Variants in PLCD1 observed in about 807,000 individuals in gnomAD.
PLCD1 encodes 1-phosphatidylinositol 4,5-bisphosphate phosphodiesterase delta-1.
Under a neutral mutation model 87.4 loss-of-function variants are expected in PLCD1, and 71 were observed. That is an observed-to-expected ratio of 0.81 (90% CI 0.67 to 0.99). The LOEUF (loss-of-function observed/expected upper bound fraction) is 0.99, where lower values mean the gene tolerates loss of function less well. Among genes scored for constraint, PLCD1 ranks in the 50% least tolerant of loss-of-function variants. PLCD1 has a pLI of 0.00. For missense variants in PLCD1, 867 were observed against 1,001.5 expected (o/e 0.87, Z 1.81); for synonymous variants, 348 against 399.2 (o/e 0.87, Z 1.53).
At chr3:38,024,220 A>G (rs982518122) in intron 1 of PLCD1, 3 of 862,332 alleles carry the variant, frequency 3.5e-6, no homozygotes, top group Non-Finnish European at 5.5e-6. Flanking sequence ...AGTACTAAAC[A>G]TGTCCAATTA....
In PLCD1 at chr3:38,007,729, A is replaced by G. The variant is rs1161401177; in HGVS notation, c.*44T>C. 2.1e-6 allele frequency: 3 copies of G among 1,424,826 alleles called. No individual in the cohort carries two copies. Among genetic ancestry groups the G allele is most frequent in the African/African-American group, 2.8e-5 (2 of 71,180 alleles). The allele number at this position is 1,424,826 out of a possible 1,614,324, so 88.3% of individuals were successfully genotyped here. A position where few individuals can be genotyped will look rare whatever the true frequency, so the allele number is the denominator to read the frequency against. On this transcript the variant is annotated 3_prime_UTR_variant, in exon 15 of 15. Transcript: ENST00000334661. ...CAGCCCTGTCCCCACATGTGGACAGAGGGCCCAGCCCACTCAGGGGGGACC... is the reference window on the plus strand; with the variant it reads ...CAGCCCTGTCCCCACATGTGGACAGGGGGCCCAGCCCACTCAGGGGGGACC...
chr3:38,012,795 G>A (rs1012719139), intron 3 of PLCD1, among the ~76,000 whole-genome samples: 3 of 152,152 alleles, frequency 2.0e-5, no homozygotes, highest in African/African-American at 7.2e-5. Flanking sequence ...GGGATTACAC[G>A]TGTGAGCCAC....
chr3:38,023,594 G>A (rs967287715), intron 1 of PLCD1, among the ~76,000 whole-genome samples: 6 of 151,992 alleles, frequency 3.9e-5, no homozygotes, highest in East Asian at 1.9e-4. Flanking sequence ...CAGGGTCAGC[G>A]GTATGAAACT....
Position 38,010,018 on chromosome 3 carries a change from G to A in PLCD1, c.1173C>T (p.Asn391=), listed in dbSNP as rs1474937443. The change falls in exon 8 of 15, where the codon AAC becomes AAT. Residue 391 remains asparagine (N), a synonymous_variant. Coordinates refer to ENST00000334661, the MANE Select transcript of PLCD1 (RefSeq NM_006225.4). ...CGCGCTGCTGCTCCAGTGTGCAGTG[G>A]TTCTCCAGGGATAGGATGACAGGGT... The part of the protein sequence containing the change: ...SPYPVILSLE[N]HCTLEQQRVM... 1 of 1,614,078 alleles carries A rather than the reference G, an allele frequency of 6.2e-7. No individual in the cohort carries two copies. Among genetic ancestry groups the A allele is most frequent in the African/African-American group, 1.3e-5 (1 of 74,940 alleles).
intron 5 of PLCD1, 138 bp downstream of exon 5, chr3:38,011,076 T>C (rs1575348211): frequency 1.6e-6 from 1 of 641,566 alleles, no homozygotes; most frequent in South Asian, 1.9e-5. Flanking sequence ...GACCAGAAAG[T>C]GTGGAGCAGG....
chr3:38,024,534 G>A, intron 1 of PLCD1: 9 of 1,516,034 alleles, frequency 5.9e-6, no homozygotes, highest in Non-Finnish European at 8.0e-6. Context: ...CCGGGGGGCG[G>A]AACTGTCGCC....
chr3:38,009,201 T>A, intron 10 of PLCD1, 43 bp from the exon 11 acceptor site: 1 of 1,609,436 alleles, frequency 6.2e-7, no homozygotes, highest in Non-Finnish European at 8.5e-7. Flanking sequence ...GGCCTCCTGG[T>A]GAGGCCCAAG....
At chr3:38,028,926 G>A (rs1376980755) in intron 1 of PLCD1, among the ~76,000 whole-genome samples, 2 of 152,282 alleles carry the variant, frequency 1.3e-5, no homozygotes, top group Non-Finnish European at 2.9e-5. Context: ...CAGATGAGGG[G>A]ATCGTGCTGC....
At chr3:38,008,898 C>T in intron 11 of PLCD1, 144 bp downstream of exon 11, 1 of 705,108 alleles carries the variant, frequency 1.4e-6, no homozygotes, top group South Asian at 1.7e-5. Context: ...TATTTCCAGA[C>T]TGATATTACC....
rs777926520 is a variant in PLCD1 at position 38,008,133 on chromosome 3, G to C, written c.2066C>G (p.Ala689Gly). Reference sequence around the variant, plus strand: ...AAGGTCAGGCACAACTACCTCAAACGCAAACTCCGTGTCCCACCATGGGTT... The same window carrying C: ...AAGGTCAGGCACAACTACCTCAAACCCAAACTCCGTGTCCCACCATGGGTT... ...GFNPWWDTEF[A>G]FEVVVPDLAL... The change falls in exon 14 of 15, where the codon GCG (alanine) becomes GGG (glycine). Residue 689 changes from alanine to glycine, a missense_variant. By Grantham distance (60) the Ala-to-Gly change is moderately conservative. Coordinates refer to ENST00000334661, the MANE Select transcript of PLCD1 (RefSeq NM_006225.4). The C allele has an allele frequency of 1.1e-5, 18 of 1,613,774 alleles. No individual in the cohort carries two copies. The highest frequency in any genetic ancestry group is 8.5e-7 in the Non-Finnish European group (1 of 1,180,022).
Position 38,018,714 on chromosome 3 carries a change from A to T in PLCD1, c.199+1474T>A, listed in dbSNP as rs933786248. On this transcript the variant is annotated intron_variant, in intron 2 of 14. Transcript: ENST00000334661. The surrounding 1 kb of genome is among the most constrained non-coding windows in gnomAD (Gnocchi z 5.7). The stretch of plus-strand genomic sequence containing the variant: ...CCCCATTCTCACTGTGCTCCCACCC[A>T]CCAGCATCTAACAGGAAATCCCATA... 7.9e-5 allele frequency among the ~76,000 whole-genome samples: 12 copies of T among 152,012 alleles called. No homozygotes were observed. The highest frequency in any genetic ancestry group is 8.8e-5 in the Non-Finnish European group (6 of 67,982).
Position 38,008,312 on chromosome 3 carries a change from T to G in PLCD1, c.1958A>C (p.Asp653Ala). 1.2e-6 allele frequency: 2 copies of G among 1,613,860 alleles called. No individual in the cohort carries two copies. The highest frequency in any genetic ancestry group is 1.7e-6 in the Non-Finnish European group (2 of 1,179,946). Residue 653 changes from aspartate to alanine, a missense_variant, in exon 13 of 15, where the codon GAC (aspartate) becomes GCC (alanine). By Grantham distance (126) the Asp-to-Ala change is moderately radical. Transcript: ENST00000334661. The stretch of plus-strand genomic sequence containing the variant: ...ATGGATCTCCACTGTCACTTTGGGG[T>G]CCACAATTGAATTCTTATTCTTGTT... Reference protein sequence around the residue: ...KVNKNKNSIVDPKVTVEIHGV... With the variant: ...KVNKNKNSIVAPKVTVEIHGV...
chr3:38,020,428 C>A (rs528607419), intron 1 of PLCD1, 76 bp from the exon 2 acceptor site: 57 of 1,380,794 alleles, frequency 4.1e-5, no homozygotes, highest in Admixed American at 1.2e-4. Flanking sequence ...CTGGCCATGC[C>A]CACCTCGACC....
At chr3:38,021,899 C>T (rs1700239080) in intron 1 of PLCD1, among the ~76,000 whole-genome samples, 1 of 152,210 alleles carries the variant, frequency 6.6e-6, no homozygotes, top group Non-Finnish European at 1.5e-5. Flanking sequence ...CCCAGCCAGC[C>T]TGTCCCACAT....
rs1023423738 is a variant in PLCD1, at chr3:38,025,215, C to A, written c.34+4291G>T. The stretch of plus-strand genomic sequence containing the variant: ...GTCCAGGCAGGGAGGGGCGGTCCCT[C>A]GGCTTTGGAGGCGGTGCGGGGGCGG... On this transcript the variant is annotated intron_variant, in intron 1 of 14. Coordinates refer to ENST00000334661, the MANE Select transcript of PLCD1 (RefSeq NM_006225.4). The surrounding 1 kb of genome is among the most constrained non-coding windows in gnomAD (Gnocchi z 4.0). 6.6e-6 allele frequency among the ~76,000 whole-genome samples: 1 copy of A among 151,886 alleles called. No homozygotes were observed. Among genetic ancestry groups the A allele is most frequent in the Admixed American group, 6.6e-5 (1 of 15,246 alleles).
In PLCD1 at chr3:38,008,333, T is replaced by C. The variant is rs1182392974; in HGVS notation, c.1937A>G (p.Lys646Arg). The change falls in exon 13 of 15, where the codon AAG becomes AGG. Residue 646 changes from lysine to arginine, a missense_variant. Transcript: ENST00000334661. ...GGGGTCCACAATTGAATTCTTATTC[T>C]TGTTGACTTTTGGCAGCTGCTGCCC... Reference protein sequence around the residue: ...ISGQQLPKVNKNKNSIVDPKV... With the variant: ...ISGQQLPKVNRNKNSIVDPKV... 3.1e-6 allele frequency: 5 copies of C among 1,614,124 alleles called. No individual in the cohort carries two copies. The highest frequency in any genetic ancestry group is 1.3e-5 in the African/African-American group (1 of 74,942).
At chr3:38,029,056 C>G (rs1275163955) in intron 1 of PLCD1, among the ~76,000 whole-genome samples, 1 of 152,280 alleles carries the variant, frequency 6.6e-6, no homozygotes, top group Non-Finnish European at 1.5e-5. Flanking sequence ...TCCGCCACAC[C>G]CGCGCGGCCT....
rs771117546 is a variant in PLCD1, at chr3:38,011,347, G to C, written c.657C>G (p.Ala219=). ...TQRVEIDRTF[A]EAAGSGETLS... The stretch of plus-strand genomic sequence containing the variant: ...GAGTCTCCCCTGAGCCCGCGGCCTC[G>C]GCGAAGGTGCGGTCGATCTCCACCC... The change falls in exon 5 of 15, where the codon GCC becomes GCG. Residue 219 remains alanine, a synonymous_variant. Transcript: ENST00000334661. 2 of 1,612,688 alleles carry C rather than the reference G, an allele frequency of 1.2e-6. No individual in the cohort carries two copies. Among genetic ancestry groups the C allele is most frequent in the African/African-American group, 2.7e-5 (2 of 75,018 alleles).
intron 1 of PLCD1, among the ~76,000 whole-genome samples, chr3:38,021,722 C>G (rs112412207): frequency 3.2e-4 from 48 of 152,332 alleles, no homozygotes; most frequent in African/African-American, 1.1e-3. Context: ...CAATCTCTGT[C>G]CTGCTGCTCC....
Sources: allele counts gnomAD v4.1 joint callset (sites outside exome capture counted in the v4.1 genomes callset), GRCh38; gene constraint gnomAD v4.1.1; non-coding constraint Gnocchi (gnomAD v3.1); transcripts MANE v1.5; gene names NCBI Gene and HGNC (gene_info 2026-07-23, HGNC 2026-07-21).